The following CHEK1 variants were observed in gnomAD, a reference collection of about 807,000 sequenced individuals.
CHEK1 encodes checkpoint kinase 1, also known as serine/threonine-protein kinase Chk1.
In CHEK1, 32 loss-of-function variants were observed where a neutral mutation model predicts 60.2. That is an observed-to-expected ratio of 0.53 (90% CI 0.40 to 0.71). The LOEUF is 0.71. Ranked by LOEUF, CHEK1 falls within the 30% of genes least tolerant of loss-of-function variation. CHEK1 has a pLI of 0.00. For synonymous variants in CHEK1, 179 were observed against 187.2 expected (o/e 0.96, Z 0.36); for missense variants, 399 against 564.6 (o/e 0.71, Z 2.97).
chr11:125,674,486 G>A (rs538589229), intron 13 of CHEK1, among the ~76,000 whole-genome samples: 24 of 152,214 alleles, frequency 1.6e-4, no homozygotes, highest in Non-Finnish European at 2.8e-4. Flanking sequence ...GGTGACTTGC[G>A]TAGCTGGAGT....
At chr11:125,643,323 CA>C (rs67970826) in intron 8 of CHEK1, 41 of 107,878 alleles carry the variant, frequency 3.8e-4, no homozygotes, top group Non-Finnish European at 6.5e-4. Flanking sequence ...CCTAAAAATA[CA>C]AAAAAAAAAA....
At chr11:125,671,510 TG>T (rs1942202657) in intron 13 of CHEK1, 1 of 152,218 alleles carries the variant, frequency 6.6e-6, no homozygotes, top group Admixed American at 6.5e-5. Context: ...CAATATATTT[TG>T]GGGAAGGGGT....
At chr11:125,662,776 A>G (rs1184694631) in intron 13 of CHEK1, among the ~76,000 whole-genome samples, 1 of 152,218 alleles carries the variant, frequency 6.6e-6, no homozygotes, top group Admixed American at 6.5e-5. Flanking sequence ...TGGTAGTCAT[A>G]TGTTTAGTTT....
At chr11:125,675,620 A>G (rs183385805) in intron 13 of CHEK1, among the ~76,000 whole-genome samples, 14 of 152,350 alleles carry the variant, frequency 9.2e-5, no homozygotes, top group African/African-American at 2.9e-4. Flanking sequence ...GAATATACTC[A>G]GACTGGTCTG....
intron 13 of CHEK1, among the ~76,000 whole-genome samples, chr11:125,669,406 G>T (rs1229828812): frequency 6.6e-6 from 1 of 151,718 alleles, no homozygotes. Flanking sequence ...ATTTGTATCA[G>T]TGTTCCACTA....
intron 11 of CHEK1, among the ~76,000 whole-genome samples, chr11:125,646,366 T>G (rs376998568): frequency 1.1e-4 from 16 of 152,316 alleles, no homozygotes; most frequent in African/African-American, 3.8e-4. Context: ...CGTTTATCCA[T>G]TCATCCACTC....
At chr11:125,663,267 T>C (rs1249916281) in intron 13 of CHEK1, among the ~76,000 whole-genome samples, 1 of 152,202 alleles carries the variant, frequency 6.6e-6, no homozygotes, top group Admixed American at 6.5e-5. Flanking sequence ...GGATCATGTT[T>C]CTGTTGTCTA....
rs529064678 is a variant in CHEK1, at chr11:125,654,983, C to T, written c.1336-242C>T. On this transcript the variant is annotated intron_variant, in intron 12 of 12. Coordinates refer to ENST00000438015, the MANE Select transcript of CHEK1 (RefSeq NM_001114122.3). ...GAAACAGATAGGATGCCATGTTTAT[C>T]TGCTCTCTGAGCTCAGTGCAGTAGG... Among the ~76,000 whole-genome samples the T allele has an allele frequency of 6.6e-5, 10 of 152,310 alleles. No homozygotes were observed. In the South Asian group the frequency reaches 2.1e-3, roughly 32 times the overall value.
At chr11:125,639,802 T>G (rs1941212449) in intron 8 of CHEK1, among the ~76,000 whole-genome samples, 1 of 152,176 alleles carries the variant, frequency 6.6e-6, no homozygotes, top group African/African-American at 2.4e-5. Flanking sequence ...ACTAACTGCC[T>G]CTATGCTCAT....
chr11:125,650,454 G>GTTT (rs1294343202), intron 11 of CHEK1, among the ~76,000 whole-genome samples: 10 of 120,472 alleles, frequency 8.3e-5, no homozygotes, highest in Non-Finnish European at 1.4e-4. Context: ...TTTTAGTGGT[G>GTTT]TTTGTTTTTT....
At chr11:125,676,862 A>T (rs1456585113), downstream of CHEK1, among the ~76,000 whole-genome samples, 1 of 152,136 alleles carries the variant, frequency 6.6e-6, no homozygotes, top group Non-Finnish European at 1.5e-5. Context: ...AGGCACAAAC[A>T]CTTGGAGTCA....
At chr11:125,649,250 G>A (rs994096250) in intron 11 of CHEK1, among the ~76,000 whole-genome samples, 14 of 152,122 alleles carry the variant, frequency 9.2e-5, no homozygotes, top group Non-Finnish European at 8.8e-5. Flanking sequence ...TTAAAGGCAC[G>A]ATCATAGTGC....
intron 8 of CHEK1, among the ~76,000 whole-genome samples, chr11:125,639,152 G>A (rs1044345589): frequency 3.6e-4 from 55 of 151,758 alleles, no homozygotes; most frequent in African/African-American, 1.2e-3. Context: ...ATACTTAGTG[G>A]GTAAAACCCA....
chr11:125,631,276 C>G (rs1940848712), intron 5 of CHEK1, among the ~76,000 whole-genome samples: 1 of 151,814 alleles, frequency 6.6e-6, no homozygotes, highest in Non-Finnish European at 1.5e-5. Context: ...TTCTTTGTTT[C>G]TATTTAATAT....
At chr11:125,649,561 T>TA (rs1467948663) in intron 11 of CHEK1, among the ~76,000 whole-genome samples, 1 of 152,134 alleles carries the variant, frequency 6.6e-6, no homozygotes, top group East Asian at 1.9e-4. Flanking sequence ...CCATCTCTAC[T>TA]AAAAATATTT....
chr11:125,646,104 A>C (rs2136035609), intron 11 of CHEK1, among the ~76,000 whole-genome samples: 1 of 152,272 alleles, frequency 6.6e-6, no homozygotes, highest in Non-Finnish European at 1.5e-5. Flanking sequence ...GGGAAAAAAA[A>C]ACAAAACACC....
chr11:125,651,845 A>T (rs1456347241), intron 11 of CHEK1, among the ~76,000 whole-genome samples: 1 of 152,206 alleles, frequency 6.6e-6, no homozygotes, highest in East Asian at 1.9e-4. Context: ...GAAAAAGTTG[A>T]TTCTGACAGG....
intron 11 of CHEK1, among the ~76,000 whole-genome samples, chr11:125,650,589 T>C (rs1015741749): frequency 6.6e-6 from 1 of 151,952 alleles, no homozygotes; most frequent in South Asian, 2.1e-4. Flanking sequence ...TCCAAGTATC[T>C]GGGACTACAG....
At chr11:125,648,846 C>A (rs1379986646) in intron 11 of CHEK1, among the ~76,000 whole-genome samples, 1 of 151,938 alleles carries the variant, frequency 6.6e-6, no homozygotes. Flanking sequence ...CAAATGTTTT[C>A]TCCGTCTATT....
Sources: gnomAD v4.1 joint callset for allele counts (sites outside exome capture counted in the v4.1 genomes callset) on GRCh38, gnomAD v4.1.1 for gene constraint, MANE v1.5 for transcripts, NCBI Gene and HGNC (gene_info 2026-07-23, HGNC 2026-07-21) for gene names.